The following SBF2 variants were observed in gnomAD, a reference collection of about 807,000 sequenced individuals.
SBF2 encodes myotubularin-related protein 13.
In SBF2, 112 loss-of-function variants were observed where a neutral mutation model predicts 225.2. The observed-to-expected ratio is 0.50, with a 90% confidence interval of 0.43 to 0.58. The LOEUF (loss-of-function observed/expected upper bound fraction) is 0.58. SBF2 is among the 20% of genes least tolerant of loss of function. The pLI, the probability that SBF2 is intolerant of heterozygous loss-of-function variation, is 0.00. For synonymous variants in SBF2, 763 were observed against 773.3 expected (o/e 0.99, Z 0.22); for missense variants, 1,996 against 2,206.2 (o/e 0.90, Z 1.91).
intron 2 of SBF2, among the ~76,000 whole-genome samples, chr11:10,143,988 G>T (rs1470000312): frequency 2.0e-5 from 3 of 152,132 alleles, no homozygotes; most frequent in African/African-American, 7.2e-5. Flanking sequence ...CAAAGTGCTG[G>T]GATTACAGGC....
intron 16 of SBF2, 41 bp from the exon 17 acceptor site, chr11:9,896,052 C>G (rs372593520): frequency 6.8e-7 from 1 of 1,481,022 alleles, no homozygotes; most frequent in Non-Finnish European, 9.4e-7. Context: ...AGGATATTTA[C>G]CAGAAATCAC....
chr11:9,919,383 A>G (rs1213301966), intron 16 of SBF2, among the ~76,000 whole-genome samples: 5 of 151,790 alleles, frequency 3.3e-5, no homozygotes, highest in African/African-American at 1.2e-4. Context: ...ACTCCGAGTT[A>G]AAGAAGGAAG....
intron 30 of SBF2, chr11:9,809,237 G>A (rs1161641849): frequency 1.8e-5 from 8 of 441,732 alleles, no homozygotes; most frequent in Non-Finnish European, 2.9e-5. Flanking sequence ...AGGCCGAGCC[G>A]GGCAGGTCAT....
intron 1 of SBF2, among the ~76,000 whole-genome samples, chr11:10,197,584 G>A (rs538802062): frequency 1.3e-5 from 2 of 152,292 alleles, no homozygotes; most frequent in Admixed American, 6.5e-5. Flanking sequence ...GGTGGTGGCT[G>A]CGGCAATTAT....
At chr11:9,843,804 A>G (rs1056045503) in intron 24 of SBF2, 8 of 152,250 alleles carry the variant, frequency 5.3e-5, no homozygotes, top group African/African-American at 1.9e-4. Flanking sequence ...TTTATTTTTT[A>G]ATTTTTATTA....
chr11:10,213,666 G>C (rs959332226), intron 1 of SBF2, among the ~76,000 whole-genome samples: 12 of 152,124 alleles, frequency 7.9e-5, no homozygotes, highest in Admixed American at 2.0e-4. Context: ...AAAGGTGGTG[G>C]GAATGGGAAT....
chr11:9,893,050 T>C (rs766708185), intron 17 of SBF2, among the ~76,000 whole-genome samples: 2 of 152,196 alleles, frequency 1.3e-5, no homozygotes, highest in Non-Finnish European at 2.9e-5. Context: ...TCAATAAACT[T>C]TTGTTCCACT....
At chr11:9,803,472 C>G (rs1853605620) in intron 32 of SBF2, among the ~76,000 whole-genome samples, 1 of 151,882 alleles carries the variant, frequency 6.6e-6, no homozygotes, top group African/African-American at 2.4e-5. Flanking sequence ...TCCCACTCCT[C>G]CCCCCCAGCC....
intron 2 of SBF2, among the ~76,000 whole-genome samples, chr11:10,158,238 C>A (rs920070298): frequency 1.3e-5 from 2 of 151,652 alleles, no homozygotes; most frequent in East Asian, 3.9e-4. Context: ...AAGAAAAAAA[C>A]AAAGATCTCA....
intron 2 of SBF2, among the ~76,000 whole-genome samples, chr11:10,177,831 G>A (rs1565322389): frequency 6.7e-6 from 1 of 148,932 alleles, no homozygotes; most frequent in Admixed American, 6.8e-5. Context: ...TCACAGAACT[G>A]GAAAAAACTA....
chr11:9,968,467 G>A lies in SBF2; in HGVS notation c.1474C>T (p.Pro492Ser). The change falls in exon 14 of 40, where the codon CCT becomes TCT. Residue 492 changes from proline to serine, a missense_variant. Coordinates refer to ENST00000256190, the MANE Select transcript of SBF2 (RefSeq NM_030962.4). ...EGSHLRVHILPFPEINEARVQ... is the reference protein window; with the variant it reads ...EGSHLRVHILSFPEINEARVQ... ...CGGGCTTCATTAATCTCTGGGAAAGGAAGAATATGAACTCGCAAATGGGAT... is the reference window on the plus strand; with the variant it reads ...CGGGCTTCATTAATCTCTGGGAAAGAAAGAATATGAACTCGCAAATGGGAT... The A allele has an allele frequency of 6.2e-7, 1 of 1,614,072 alleles. No individual in the cohort carries two copies. Among genetic ancestry groups the A allele is most frequent in the South Asian group, 1.1e-5 (1 of 91,074 alleles).
chr11:9,883,248 C>T (rs1334046097), intron 17 of SBF2, among the ~76,000 whole-genome samples: 1 of 151,978 alleles, frequency 6.6e-6, no homozygotes, highest in African/African-American at 2.4e-5. Flanking sequence ...ATGTCAATAG[C>T]ACTTACTATG....
At chr11:9,826,729 ATATG>A (rs1381767030) in intron 28 of SBF2, among the ~76,000 whole-genome samples, 21 of 146,752 alleles carry the variant, frequency 1.4e-4, no homozygotes, top group Admixed American at 2.7e-4. Context: ...ATATATATAT[ATATG>A]TGTGTGTGTG....
intron 17 of SBF2, among the ~76,000 whole-genome samples, chr11:9,891,670 G>C (rs1456975400): frequency 1.3e-5 from 2 of 152,152 alleles, no homozygotes; most frequent in African/African-American, 4.8e-5. Flanking sequence ...TTTAAACCTG[G>C]CTGTTAAGGT....
chr11:9,808,692 T>G (rs928417012), intron 31 of SBF2: 1 of 488,716 alleles, frequency 2.0e-6, no homozygotes, highest in Non-Finnish European at 3.7e-6. Flanking sequence ...ATGGGAGAGC[T>G]TGATGCCCGG....
At chr11:9,789,059 T>G (rs759408887) in intron 35 of SBF2, 50 bp downstream of exon 35, 1 of 1,513,334 alleles carries the variant, frequency 6.6e-7, no homozygotes, top group Non-Finnish European at 9.2e-7. Context: ...TTTGCCCTCA[T>G]GCCTCCAGGG....
chr11:10,025,170 C>T (rs1189422030), intron 6 of SBF2, among the ~76,000 whole-genome samples: 2 of 152,178 alleles, frequency 1.3e-5, no homozygotes, highest in Non-Finnish European at 2.9e-5. Flanking sequence ...AATTGGAGGT[C>T]TAGAATGTAG....
intron 2 of SBF2, among the ~76,000 whole-genome samples, chr11:10,184,735 G>A (rs1416387059): frequency 6.6e-6 from 1 of 152,002 alleles, no homozygotes; most frequent in Non-Finnish European, 1.5e-5. Flanking sequence ...TATTGTTGTT[G>A]TTGTTGCTTG....
chr11:9,958,870 AAC>A, intron 16 of SBF2: 1 of 669,102 alleles, frequency 1.5e-6, no homozygotes, highest in Non-Finnish European at 2.8e-6. Context: ...TCTCCTGGCC[AAC>A]AGTCTGGGGA....
Sources: allele counts gnomAD v4.1 joint callset (sites outside exome capture counted in the v4.1 genomes callset), GRCh38; gene constraint gnomAD v4.1.1; transcripts MANE v1.5; gene names NCBI Gene and HGNC (gene_info 2026-07-23, HGNC 2026-07-21).